The following FAF1 variants were observed in gnomAD, a reference collection of about 807,000 sequenced individuals.
FAF1 encodes FAS-associated factor 1.
Under a neutral mutation model 92.5 loss-of-function variants are expected in FAF1, and 25 were observed. That is an observed-to-expected ratio of 0.27 (90% CI 0.20 to 0.38). The LOEUF is 0.38. FAF1 is among the 10% of genes least tolerant of loss of function. The pLI is 1.00. For missense variants in FAF1, 636 were observed against 793.3 expected, an observed-to-expected ratio of 0.80 and a Z score of 2.38; for synonymous variants, 234 against 273.2, an observed-to-expected ratio of 0.86 and a Z score of 1.42.
chr1:50,898,346 C>G (rs1329187461), intron 1 of FAF1, among the ~76,000 whole-genome samples: 1 of 152,128 alleles, frequency 6.6e-6, no homozygotes, highest in Non-Finnish European at 1.5e-5. Flanking sequence ...CAACAAAAAA[C>G]TCTAGGAGTA....
chr1:50,447,251 G>A (rs373296955), intron 18 of FAF1, among the ~76,000 whole-genome samples: 4 of 147,658 alleles, frequency 2.7e-5, no homozygotes, highest in East Asian at 2.1e-4. Context: ...TCAGCCTCCC[G>A]AGTAGCTAGG....
chr1:50,534,253 C>A (rs80263645), intron 15 of FAF1, among the ~76,000 whole-genome samples: 195 of 152,158 alleles, frequency 1.3e-3, no homozygotes, highest in African/African-American at 4.5e-3. Flanking sequence ...GATAATGGTT[C>A]CCTTTAGCCT....
At chr1:50,455,812 T>C (rs1188511890) in intron 18 of FAF1, among the ~76,000 whole-genome samples, 1 of 152,124 alleles carries the variant, frequency 6.6e-6, no homozygotes, top group Non-Finnish European at 1.5e-5. Flanking sequence ...CTTCTCACTT[T>C]TGTTTTTTTG....
intron 1 of FAF1, among the ~76,000 whole-genome samples, chr1:50,951,424 C>T (rs1645213583): frequency 6.6e-6 from 1 of 152,168 alleles, no homozygotes; most frequent in Non-Finnish European, 1.5e-5. Flanking sequence ...TTATTGAACA[C>T]TTTCTATGTC....
chr1:50,820,173 G>C (rs969567814), intron 2 of FAF1, among the ~76,000 whole-genome samples: 2 of 152,064 alleles, frequency 1.3e-5, no homozygotes, highest in Non-Finnish European at 2.9e-5. Flanking sequence ...AATGAATATG[G>C]AGTTGCAGTT....
chr1:50,730,371 C>A (rs572951172), intron 6 of FAF1, among the ~76,000 whole-genome samples: 5 of 151,248 alleles, frequency 3.3e-5, no homozygotes, highest in Non-Finnish European at 7.4e-5. Context: ...CCCTTTTTTT[C>A]ATACCTAGTA....
intron 8 of FAF1, among the ~76,000 whole-genome samples, chr1:50,645,704 T>C (rs2124261132): frequency 6.6e-6 from 1 of 152,172 alleles, no homozygotes; most frequent in South Asian, 2.1e-4. Context: ...CTGCCTGTAG[T>C]CCCAGCTACT....
intron 1 of FAF1, among the ~76,000 whole-genome samples, chr1:50,953,458 G>C (rs1331041835): frequency 6.6e-6 from 1 of 151,866 alleles, no homozygotes; most frequent in East Asian, 1.9e-4. Flanking sequence ...AATTTGGCCA[G>C]ACGCAGTGGC....
chr1:50,892,750 A>G (rs1644729909), intron 1 of FAF1, among the ~76,000 whole-genome samples: 1 of 152,168 alleles, frequency 6.6e-6, no homozygotes, highest in Admixed American at 6.5e-5. Flanking sequence ...AAGTTCTGTT[A>G]TCCCTTTAAA....
intron 4 of FAF1, among the ~76,000 whole-genome samples, chr1:50,773,386 T>C (rs773821681): frequency 7.2e-5 from 11 of 152,236 alleles, no homozygotes; most frequent in Non-Finnish European, 1.3e-4. Context: ...TCCCTGTTCG[T>C]TGCAGGATTA....
intron 18 of FAF1, among the ~76,000 whole-genome samples, chr1:50,442,167 C>T (rs755488926): frequency 1.3e-5 from 2 of 152,056 alleles, no homozygotes; most frequent in Admixed American, 6.5e-5. Context: ...ATACGTTAAT[C>T]ATACAGGGAT....
chr1:50,447,360 A>T (rs181668071), intron 18 of FAF1, among the ~76,000 whole-genome samples: 1 of 151,448 alleles, frequency 6.6e-6, no homozygotes, highest in Non-Finnish European at 1.5e-5. Context: ...CTCCTGACCT[A>T]GTGATCCGCC....
Position 50,663,415 on chromosome 1 carries a change from A to ATT in FAF1, c.658-7889_658-7888dup, listed in dbSNP as rs1188471030. 7.4e-3 allele frequency among the ~76,000 whole-genome samples: 1,000 copies of ATT among 135,892 alleles called. 11 individuals are homozygous for ATT. Among genetic ancestry groups the ATT allele is most frequent in the Middle Eastern group, 0.012 (3 of 256 alleles). The allele number at this position is 135,892 out of a possible 152,430, so 89.2% of individuals were successfully genotyped here. ...TGCTTTTTTTTAAATTTTAATTTCA[A>ATT]TTTTTTTTTTTTTTTTTTGAGACAG... is the stretch of plus-strand genomic sequence containing the variant. On this transcript the variant is annotated intron_variant, in intron 7 of 18. Transcript: ENST00000396153.
chr1:50,911,855 A>G (rs1183502875), intron 1 of FAF1, among the ~76,000 whole-genome samples: 1 of 152,068 alleles, frequency 6.6e-6, no homozygotes, highest in Non-Finnish European at 1.5e-5. Context: ...CAACATGACG[A>G]AACCCCATGT....
At chr1:50,870,046 A>G (rs1413898838) in intron 1 of FAF1, among the ~76,000 whole-genome samples, 3 of 152,346 alleles carry the variant, frequency 2.0e-5, no homozygotes, top group Non-Finnish European at 2.9e-5. Context: ...TATGGACTTC[A>G]TTAGTTCTAG....
intron 15 of FAF1, among the ~76,000 whole-genome samples, chr1:50,505,107 G>T (rs1215505222): frequency 6.6e-6 from 1 of 152,162 alleles, no homozygotes; most frequent in African/African-American, 2.4e-5. Context: ...AAGAGTGGTT[G>T]GGATGTTATT....
intron 1 of FAF1, among the ~76,000 whole-genome samples, chr1:50,901,741 T>C (rs1470804130): frequency 6.6e-6 from 1 of 151,968 alleles, no homozygotes; most frequent in African/African-American, 2.4e-5. Context: ...GGTGCATGCT[T>C]GAGGTCCCAG....
At chr1:50,858,092 A>AT (rs3838295) in intron 1 of FAF1, 95 bp from the exon 2 acceptor site, 60,310 of 804,988 alleles carry the variant, frequency 0.075, 2,722 homozygotes, top group East Asian at 0.092. Flanking sequence ...TGTAATTTAA[A>AT]TTCAAATAGG....
chr1:50,543,634 TATC>T (rs946077639), intron 13 of FAF1, among the ~76,000 whole-genome samples: 47 of 152,222 alleles, frequency 3.1e-4, no homozygotes, highest in Non-Finnish European at 6.3e-4. Flanking sequence ...TTAACACTTT[TATC>T]ATCATTTCTT....
Sources: gnomAD v4.1 joint callset for allele counts (sites outside exome capture counted in the v4.1 genomes callset) on GRCh38, gnomAD v4.1.1 for gene constraint, MANE v1.5 for transcripts, NCBI Gene and HGNC (gene_info 2026-07-23, HGNC 2026-07-21) for gene names.